PPM1H: variants seen among roughly 807,000 people sequenced by gnomAD.
The protein encoded by PPM1H is protein phosphatase 1H.
Under a neutral mutation model 54.9 loss-of-function variants are expected in PPM1H, and 27 were observed. The ratio of observed to expected loss-of-function variants is 0.49; its 90% CI spans 0.36 to 0.68. PPM1H has a LOEUF of 0.68. Ranked by LOEUF, PPM1H falls within the 30% of genes least tolerant of loss-of-function variation. The probability of loss-of-function intolerance (pLI) is 0.00; values close to 1 mark genes in which losing one functional copy is unlikely to be tolerated. For missense variants in PPM1H, 596 were observed against 667.8 expected (o/e 0.89, Z 1.19); for synonymous variants, 305 against 270.8 (o/e 1.13, Z -1.24).
chr12:62,874,768 T>C (rs1165080776), intron 1 of PPM1H, among the ~76,000 whole-genome samples: 12 of 152,374 alleles, frequency 7.9e-5, no homozygotes, highest in African/African-American at 2.4e-4. Context: ...GAAATTCAGA[T>C]GGCATTGTCT....
intron 3 of PPM1H, among the ~76,000 whole-genome samples, chr12:62,792,482 G>C (rs1418708707): frequency 6.6e-6 from 1 of 152,156 alleles, no homozygotes; most frequent in East Asian, 1.9e-4. Context: ...ATGTGCATGC[G>C]TTTGCCACTT....
intron 4 of PPM1H, among the ~76,000 whole-genome samples, chr12:62,784,965 C>G (rs979608789): frequency 6.6e-6 from 1 of 152,192 alleles, no homozygotes; most frequent in African/African-American, 2.4e-5. Flanking sequence ...AAATAATCAA[C>G]TACAAAACCC....
chr12:62,920,294 T>C (rs951854433), intron 1 of PPM1H, among the ~76,000 whole-genome samples: 5 of 152,218 alleles, frequency 3.3e-5, no homozygotes, highest in African/African-American at 1.2e-4. Context: ...AGCTATTTCC[T>C]CTTTTATGTT....
intron 5 of PPM1H, among the ~76,000 whole-genome samples, chr12:62,723,565 ACT>A (rs1332958349): frequency 2.6e-5 from 4 of 152,010 alleles, no homozygotes; most frequent in African/African-American, 4.8e-5. Flanking sequence ...GAGTGAGTTC[ACT>A]CTCTTGCCCT....
At chr12:62,767,498 T>C (rs2076551402) in intron 4 of PPM1H, among the ~76,000 whole-genome samples, 1 of 152,218 alleles carries the variant, frequency 6.6e-6, no homozygotes, top group Admixed American at 6.5e-5. Flanking sequence ...AATGGCTTCA[T>C]ACAGTGTGTG....
chr12:62,859,461 G>A (rs1459984157), intron 1 of PPM1H, among the ~76,000 whole-genome samples: 2 of 152,104 alleles, frequency 1.3e-5, no homozygotes, highest in Non-Finnish European at 2.9e-5. Context: ...TTTAATAATA[G>A]CACTGGCCAC....
At chr12:62,762,863 C>T (rs1490614170) in intron 4 of PPM1H, among the ~76,000 whole-genome samples, 2 of 152,154 alleles carry the variant, frequency 1.3e-5, no homozygotes, top group Admixed American at 6.5e-5. Flanking sequence ...TAAAGAACAC[C>T]TCATTGATGA....
At chr12:62,806,432 C>T (rs1431679353) in intron 2 of PPM1H, among the ~76,000 whole-genome samples, 1 of 152,144 alleles carries the variant, frequency 6.6e-6, no homozygotes, top group Non-Finnish European at 1.5e-5. Context: ...CAGACATGGC[C>T]TGATCTTAAT....
intron 2 of PPM1H, among the ~76,000 whole-genome samples, chr12:62,823,534 A>G (rs1436390563): frequency 6.6e-6 from 1 of 152,222 alleles, no homozygotes; most frequent in African/African-American, 2.4e-5. Flanking sequence ...GCAGCTCATC[A>G]AAAAGCTTAT....
At chr12:62,820,664 T>G (rs973091518) in intron 2 of PPM1H, among the ~76,000 whole-genome samples, 2 of 152,228 alleles carry the variant, frequency 1.3e-5, no homozygotes, top group African/African-American at 4.8e-5. Flanking sequence ...CCAACAGACC[T>G]GCAGCTGAGG....
At chr12:62,809,965 C>G (rs2076825099) in intron 2 of PPM1H, among the ~76,000 whole-genome samples, 1 of 152,086 alleles carries the variant, frequency 6.6e-6, no homozygotes, top group Non-Finnish European at 1.5e-5. Flanking sequence ...CCTATTCCAT[C>G]AAGCCTGCTT....
chr12:62,839,611 AT>A (rs1230424359), intron 1 of PPM1H, among the ~76,000 whole-genome samples: 9 of 151,546 alleles, frequency 5.9e-5, no homozygotes, highest in African/African-American at 1.9e-4. Flanking sequence ...CCTCATGGGC[AT>A]TTGAATCTGT....
At chr12:62,673,301 T>G (rs951374583) in intron 8 of PPM1H, among the ~76,000 whole-genome samples, 4 of 152,184 alleles carry the variant, frequency 2.6e-5, no homozygotes, top group African/African-American at 9.7e-5. Flanking sequence ...CAAGCAACTC[T>G]TTAATACAGC....
chr12:62,710,231 T>C (rs925283696), intron 6 of PPM1H, among the ~76,000 whole-genome samples: 2 of 151,892 alleles, frequency 1.3e-5, no homozygotes, highest in Non-Finnish European at 2.9e-5. Context: ...CAGGAGTACA[T>C]TAAAAGGTCC....
rs532958671 is a variant in PPM1H, at chr12:62,795,014, C to T, written c.757-6676G>A. 5.9e-5 allele frequency among the ~76,000 whole-genome samples: 9 copies of T among 152,210 alleles called. No individual in the cohort carries two copies. In the South Asian group the frequency reaches 1.9e-3, roughly 32 times the overall value. ...ACACTATGAAGGAAGATCTGAGATA[C>T]AATCAGGGGGTTGTAGGGGCACACC... On this transcript the variant is annotated intron_variant, in intron 3 of 9. Transcript: ENST00000228705.
chr12:62,757,283 T>G (rs908105033), intron 4 of PPM1H, among the ~76,000 whole-genome samples: 1 of 152,146 alleles, frequency 6.6e-6, no homozygotes, highest in African/African-American at 2.4e-5. Flanking sequence ...ATAAACTGTT[T>G]CCTGTTTTTG....
At chr12:62,748,628 C>G (rs566830654) in intron 4 of PPM1H, among the ~76,000 whole-genome samples, 1 of 152,206 alleles carries the variant, frequency 6.6e-6, no homozygotes, top group South Asian at 2.1e-4. Context: ...GACAGTTAAC[C>G]TGAAAGGCTA....
chr12:62,831,475 C>T (rs1431888428), intron 2 of PPM1H, among the ~76,000 whole-genome samples: 1 of 152,010 alleles, frequency 6.6e-6, no homozygotes, highest in Non-Finnish European at 1.5e-5. Context: ...TGCAAGGCCA[C>T]CCCATGGGCT....
At chr12:62,911,262 C>A (rs1871451607) in intron 1 of PPM1H, among the ~76,000 whole-genome samples, 1 of 152,138 alleles carries the variant, frequency 6.6e-6, no homozygotes, top group South Asian at 2.1e-4. Flanking sequence ...TTTCCCCCAA[C>A]AATATGACAA....
Sources: allele counts gnomAD v4.1 joint callset (sites outside exome capture counted in the v4.1 genomes callset), GRCh38; gene constraint gnomAD v4.1.1; transcripts MANE v1.5; gene names NCBI Gene and HGNC (gene_info 2026-07-23, HGNC 2026-07-21).